WDR49: variants seen among roughly 807,000 people sequenced by gnomAD.
The protein encoded by WDR49 is cilia- and flagella-associated protein 337.
A neutral mutation model predicts 119.5 loss-of-function variants in WDR49; 107 were observed. That is an observed-to-expected ratio of 0.90 (90% confidence interval 0.77 to 1.05). The LOEUF is 1.05. Among genes scored for constraint, WDR49 ranks in the 50% least tolerant of loss-of-function variants. WDR49 has a pLI of 0.00. For missense variants in WDR49, 1,240 were observed against 1,220.5 expected, an observed-to-expected ratio of 1.02 and a Z score of -0.24; for synonymous variants, 425 against 418.8, an observed-to-expected ratio of 1.01 and a Z score of -0.18.
intron 5 of WDR49, among the ~76,000 whole-genome samples, chr3:167,616,962 A>C (rs1716625505): frequency 6.6e-6 from 1 of 152,186 alleles, no homozygotes; most frequent in Admixed American, 6.5e-5. Flanking sequence ...AGGCATTCAA[A>C]TTTCCTTCTA....
intron 8 of WDR49, among the ~76,000 whole-genome samples, chr3:167,570,392 GT>G (rs1232104864): frequency 2.6e-5 from 4 of 152,148 alleles, no homozygotes; most frequent in African/African-American, 9.7e-5. Flanking sequence ...AAAAAATTAT[GT>G]GCAGAAAAGA....
At chr3:167,512,084 C>G (rs1751998827) in intron 16 of WDR49, among the ~76,000 whole-genome samples, 2 of 152,190 alleles carry the variant, frequency 1.3e-5, no homozygotes, top group African/African-American at 4.8e-5. Flanking sequence ...CAGGGCAGCA[C>G]ACCCATTCCA....
chr3:167,620,747 C>T lies in WDR49; in HGVS notation c.784-144G>A, dbSNP rs933215330. ...TATTTAAAGGATGCAGGGTGTTATACTAAAAAACAGAACAATTATTAGTTT... is the reference window on the plus strand; with the variant it reads ...TATTTAAAGGATGCAGGGTGTTATATTAAAAAACAGAACAATTATTAGTTT... On this transcript the variant is annotated intron_variant, in intron 4 of 18. Transcript: ENST00000682715. The T allele has an allele frequency of 2.5e-5, 19 of 761,484 alleles. No homozygotes were observed. In the African/African-American group the frequency reaches 3.2e-4, roughly 13 times the overall value. 47.2% of individuals were successfully genotyped at this position (761,484 alleles called of 1,614,324 possible). A position where few individuals can be genotyped will look rare whatever the true frequency, so the allele number is the denominator to read the frequency against.
At chr3:167,610,328 C>T (rs960814404) in intron 5 of WDR49, among the ~76,000 whole-genome samples, 2 of 152,174 alleles carry the variant, frequency 1.3e-5, no homozygotes, top group East Asian at 1.9e-4. Flanking sequence ...GGGTAAGTCT[C>T]AGGTCAGGCA....
intron 7 of WDR49, among the ~76,000 whole-genome samples, chr3:167,597,395 G>A (rs1577265265): frequency 6.6e-6 from 1 of 152,352 alleles, no homozygotes; most frequent in Middle Eastern, 3.4e-3. Flanking sequence ...GCAGAAGTGG[G>A]CTGCAGGGAG....
At chr3:167,618,114 T>G (rs1716690110) in intron 5 of WDR49, among the ~76,000 whole-genome samples, 1 of 152,204 alleles carries the variant, frequency 6.6e-6, no homozygotes, top group South Asian at 2.1e-4. Flanking sequence ...ATTTTGCTCA[T>G]GTTGCCCACG....
At chr3:167,600,618 T>G (rs1336076364) in intron 7 of WDR49, among the ~76,000 whole-genome samples, 1 of 152,132 alleles carries the variant, frequency 6.6e-6, no homozygotes, top group Non-Finnish European at 1.5e-5. Flanking sequence ...CTGATGCATC[T>G]TAAGAAAGCA....
chr3:167,629,548 T>C (rs536075063), intron 2 of WDR49, among the ~76,000 whole-genome samples: 1 of 152,262 alleles, frequency 6.6e-6, no homozygotes, highest in African/African-American at 2.4e-5. Flanking sequence ...CAATTCTGAT[T>C]ATTTAAAAAA....
chr3:167,595,923 T>C (rs1424531283), intron 7 of WDR49, among the ~76,000 whole-genome samples: 3 of 147,998 alleles, frequency 2.0e-5, no homozygotes, highest in African/African-American at 7.5e-5. Context: ...ACCATCAGAG[T>C]GAACAGGCAA....
intron 16 of WDR49, among the ~76,000 whole-genome samples, chr3:167,507,848 C>A (rs1190312860): frequency 6.6e-6 from 1 of 152,324 alleles, no homozygotes; most frequent in East Asian, 1.9e-4. Context: ...CACAGACAGA[C>A]ATCTGACATT....
intron 7 of WDR49, among the ~76,000 whole-genome samples, chr3:167,580,755 T>C (rs1577253564): frequency 6.6e-6 from 1 of 152,210 alleles, no homozygotes; most frequent in Non-Finnish European, 1.5e-5. Flanking sequence ...AGTTATTATC[T>C]GAGAATCCTG....
intron 2 of WDR49, among the ~76,000 whole-genome samples, chr3:167,651,268 TG>T (rs1208049546): frequency 6.6e-6 from 1 of 152,188 alleles, no homozygotes; most frequent in Non-Finnish European, 1.5e-5. Context: ...TAAAGGAATC[TG>T]GTGCCAGAAT....
chr3:167,554,999 C>T (rs529301332), intron 9 of WDR49, among the ~76,000 whole-genome samples: 2 of 152,156 alleles, frequency 1.3e-5, no homozygotes, highest in South Asian at 2.1e-4. Flanking sequence ...CTTTTAAAAT[C>T]CTCAGACTCT....
chr3:167,623,214 C>T (rs1008977858), intron 3 of WDR49, among the ~76,000 whole-genome samples: 1 of 152,014 alleles, frequency 6.6e-6, no homozygotes, highest in African/African-American at 2.4e-5. Flanking sequence ...ATACTGAAAC[C>T]AGACAAAGAC....
chr3:167,480,247 TAAAAAAAAAAA>T (rs1162973369), intron 18 of WDR49, among the ~76,000 whole-genome samples: 1 of 55,070 alleles, frequency 1.8e-5, no homozygotes, highest in East Asian at 5.9e-4. Context: ...AGACTCTGTC[TAAAAAAAAAAA>T]AAAAAAAAAA....
chr3:167,642,334 T>A (rs770721444), intron 2 of WDR49, among the ~76,000 whole-genome samples: 15 of 152,082 alleles, frequency 9.9e-5, no homozygotes, highest in Admixed American at 2.0e-4. Context: ...TTTACTTTCA[T>A]TTTTAGAGTA....
intron 18 of WDR49, among the ~76,000 whole-genome samples, chr3:167,493,695 T>G (rs1318971779): frequency 6.6e-6 from 1 of 152,194 alleles, no homozygotes; most frequent in Non-Finnish European, 1.5e-5. Flanking sequence ...AAATATAAAA[T>G]CAGAACAAAA....
chr3:167,590,058 T>C (rs1038864746), intron 7 of WDR49, among the ~76,000 whole-genome samples: 1 of 152,126 alleles, frequency 6.6e-6, no homozygotes, highest in South Asian at 2.1e-4. Flanking sequence ...GCTTTTATTA[T>C]ATTGAGTTAT....
At chr3:167,627,791 A>G (rs1157298868) in intron 2 of WDR49, among the ~76,000 whole-genome samples, 1 of 152,068 alleles carries the variant, frequency 6.6e-6, no homozygotes, top group Non-Finnish European at 1.5e-5. Flanking sequence ...TTACAGCAGC[A>G]ACAGGAAATT....
Sources: gnomAD v4.1 joint callset for allele counts (sites outside exome capture counted in the v4.1 genomes callset) on GRCh38, gnomAD v4.1.1 for gene constraint, MANE v1.5 for transcripts, NCBI Gene and HGNC (gene_info 2026-07-23, HGNC 2026-07-21) for gene names.